DLC1: variants seen among roughly 807,000 people sequenced by gnomAD.
DLC1 encodes the protein rho GTPase-activating protein 7.
A neutral mutation model predicts 140.3 loss-of-function variants in DLC1; 54 were observed. That is an observed-to-expected ratio of 0.38 (90% confidence interval 0.31 to 0.48). The LOEUF (loss-of-function observed/expected upper bound fraction) is 0.48. Ranked by LOEUF, DLC1 falls within the 20% of genes least tolerant of loss-of-function variation. The pLI, the probability that DLC1 is intolerant of heterozygous loss-of-function variation, is 0.96. For synonymous variants in DLC1, 986 were observed against 728.1 expected (o/e 1.35, Z -5.70); for missense variants, 2,536 against 1,907.0 (o/e 1.33, Z -6.14).
intron 5 of DLC1, chr8:13,133,098 C>G: frequency 6.7e-7 from 1 of 1,495,010 alleles, no homozygotes; most frequent in Non-Finnish European, 8.9e-7. Context: ...CGGTCCTCAA[C>G]GCATCCTTGC....
At chr8:13,317,189 A>G (rs4102143) in intron 4 of DLC1, among the ~76,000 whole-genome samples, 7,474 of 152,324 alleles carry the variant, frequency 0.049, 254 homozygotes, top group Middle Eastern at 0.1. Flanking sequence ...AAAAGATTCA[A>G]ATCAAGTATA....
intron 1 of DLC1, chr8:13,535,960 T>C (rs1209741262): frequency 1.3e-5 from 2 of 152,164 alleles, no homozygotes; most frequent in Non-Finnish European, 2.9e-5. Context: ...TCTTAACACA[T>C]TCAGGATGCT....
At chr8:13,599,872 G>T (rs1054055757) in intron 1 of DLC1, among the ~76,000 whole-genome samples, 56 of 151,838 alleles carry the variant, frequency 3.7e-4, no homozygotes, top group African/African-American at 1.3e-3. Flanking sequence ...AAAATGTATA[G>T]TTGAGAAGGG....
chr8:13,465,354 A>G (rs986865305), intron 2 of DLC1, among the ~76,000 whole-genome samples: 14 of 152,150 alleles, frequency 9.2e-5, no homozygotes, highest in African/African-American at 3.1e-4. Context: ...TATCAGTTAT[A>G]TTGATACCTA....
chr8:13,297,284 A>AAAAAAAAAAAAAAAAAAAAAAAAAAAAC, intron 5 of DLC1, among the ~76,000 whole-genome samples: 1 of 139,718 alleles, frequency 7.2e-6, no homozygotes, highest in African/African-American at 2.6e-5. Flanking sequence ...TCATACATTA[A>AAAAAAAAAAAAAAAAAAAAAAAAAAAAC]AAAAAAAAAA....
chr8:13,337,272 G>C (rs1833846334), intron 4 of DLC1, among the ~76,000 whole-genome samples: 2 of 152,114 alleles, frequency 1.3e-5, no homozygotes, highest in African/African-American at 4.8e-5. Context: ...TGTGTTTTCT[G>C]AGTTAGTAAA....
chr8:13,290,179 A>G (rs1384818497), intron 5 of DLC1, among the ~76,000 whole-genome samples: 4 of 152,282 alleles, frequency 2.6e-5, no homozygotes, highest in East Asian at 1.9e-4. Flanking sequence ...TTAAGCCTTA[A>G]GATGTTGTTT....
chr8:13,554,525 A>C (rs1232863076), intron 1 of DLC1, among the ~76,000 whole-genome samples: 1 of 152,178 alleles, frequency 6.6e-6, no homozygotes, highest in East Asian at 1.9e-4. Context: ...TTTTCCCTCC[A>C]ACTGTTTTTC....
chr8:13,322,685 T>G (rs1239360954), intron 4 of DLC1, among the ~76,000 whole-genome samples: 1 of 152,212 alleles, frequency 6.6e-6, no homozygotes, highest in African/African-American at 2.4e-5. Flanking sequence ...TTTGGAAAAG[T>G]GTGTCAGTAA....
intron 12 of DLC1, among the ~76,000 whole-genome samples, chr8:13,094,343 A>G (rs1818329794): frequency 6.6e-6 from 1 of 152,180 alleles, no homozygotes; most frequent in Admixed American, 6.5e-5. Flanking sequence ...GGTTTCCAAG[A>G]GGTCACCATG....
intron 4 of DLC1, among the ~76,000 whole-genome samples, chr8:13,373,062 C>G (rs1320959100): frequency 6.6e-6 from 1 of 152,084 alleles, no homozygotes; most frequent in Non-Finnish European, 1.5e-5. Context: ...GTTGCTCAGA[C>G]TAGAGTGCCG....
rs929849686 is a variant in DLC1 at position 13,499,463 on chromosome 8, T to G, written c.609A>C (p.Lys203Asn). 8.7e-6 allele frequency: 14 copies of G among 1,614,098 alleles called. No homozygotes were observed. The highest frequency in any genetic ancestry group is 1.1e-5 in the Non-Finnish European group (13 of 1,180,020). ...CCACTGCATTTACTTTGGGTGCATC[T>G]TTTATTTCACTTAAGCTTATTTCAT... ...LCNEISLSEI[K>N]DAPKVNAVDT... Residue 203 changes from lysine (K) to asparagine (N), a missense_variant, in exon 2 of 18, where the codon AAA (lysine) becomes AAC (asparagine). Coordinates refer to ENST00000276297, the MANE Select transcript of DLC1 (RefSeq NM_182643.3).
At chr8:13,505,310 CT>C (rs1403597090) in intron 1 of DLC1, among the ~76,000 whole-genome samples, 1 of 151,796 alleles carries the variant, frequency 6.6e-6, no homozygotes, top group Non-Finnish European at 1.5e-5. Context: ...GAGATAGTCA[CT>C]TTCTGTAGCA....
Position 13,412,805 on chromosome 8 carries a change from G to T in DLC1, c.1024-11186C>A, listed in dbSNP as rs184398973. ...AAATTAGCCGGGTGTGGTGGTGGGA[G>T]CCTGTAGTCCCAGCTACTAGGGAGG... On this transcript the variant is annotated intron_variant, in intron 2 of 17. Coordinates refer to ENST00000276297, the MANE Select transcript of DLC1 (RefSeq NM_182643.3). 6.3e-3 allele frequency among the ~76,000 whole-genome samples: 954 copies of T among 152,052 alleles called. 4 individuals are homozygous for T. The highest frequency in any genetic ancestry group is 0.011 in the Non-Finnish European group (754 of 67,972).
At chr8:13,354,125 G>T (rs1387669974) in intron 4 of DLC1, among the ~76,000 whole-genome samples, 1 of 150,600 alleles carries the variant, frequency 6.6e-6, no homozygotes, top group Non-Finnish European at 1.5e-5. Context: ...CCATGTCTTT[G>T]CTTGGCTCAT....
chr8:13,171,738 T>C (rs898469572), intron 5 of DLC1, among the ~76,000 whole-genome samples: 4 of 152,140 alleles, frequency 2.6e-5, no homozygotes, highest in Admixed American at 1.3e-4. Context: ...TGGACTTCTA[T>C]GTACAGCTGA....
At chr8:13,164,808 G>T (rs1824984047) in intron 5 of DLC1, among the ~76,000 whole-genome samples, 1 of 152,192 alleles carries the variant, frequency 6.6e-6, no homozygotes, top group African/African-American at 2.4e-5. Flanking sequence ...AAAATTGTTT[G>T]TCAGCTCTGG....
intron 1 of DLC1, among the ~76,000 whole-genome samples, chr8:13,563,935 A>G (rs1290478880): frequency 1.3e-5 from 2 of 152,218 alleles, no homozygotes; most frequent in Non-Finnish European, 2.9e-5. Flanking sequence ...ACCAAAATTC[A>G]GTATAATCTA....
At chr8:13,419,539 C>G (rs946345858) in intron 2 of DLC1, among the ~76,000 whole-genome samples, 1 of 152,226 alleles carries the variant, frequency 6.6e-6, no homozygotes, top group East Asian at 1.9e-4. Flanking sequence ...TATATTGAAC[C>G]ACCTGGCATC....
Sources: allele counts gnomAD v4.1 joint callset (sites outside exome capture counted in the v4.1 genomes callset), GRCh38; gene constraint gnomAD v4.1.1; transcripts MANE v1.5; gene names NCBI Gene and HGNC (gene_info 2026-07-23, HGNC 2026-07-21).